ZNF277: variants seen among roughly 807,000 people sequenced by gnomAD.
ZNF277 encodes the protein zinc finger protein 277.
Under a neutral mutation model 60.7 loss-of-function variants are expected in ZNF277, and 55 were observed. The ratio of observed to expected loss-of-function variants is 0.91; its 90% confidence interval spans 0.73 to 1.13. The LOEUF (loss-of-function observed/expected upper bound fraction) is 1.13, where lower values mean the gene tolerates loss of function less well. Among genes scored for constraint, ZNF277 ranks in the 50% most tolerant of loss-of-function variants. ZNF277 has a pLI of 0.00. For missense variants in ZNF277, 510 were observed against 523.0 expected, an observed-to-expected ratio of 0.98 and a Z score of 0.24; for synonymous variants, 178 against 179.3, an observed-to-expected ratio of 0.99 and a Z score of 0.06.
At position 112,210,473 on chromosome 7, in the gene ZNF277, T is replaced by G. The variant is rs1278094760; in HGVS notation, c.91+3666T>G. Among the ~76,000 whole-genome samples the G allele has an allele frequency of 1.3e-4, 20 of 151,220 alleles. No individual in the cohort carries two copies. In the East Asian group the frequency reaches 3.7e-3, roughly 28 times the overall value. On this transcript the variant is annotated intron_variant, in intron 1 of 11. Transcript: ENST00000361822. Reference sequence around the variant, plus strand: ...TTTTGTTTTTGTTTTTTGTTTTTTTTTTTTGTTTTTTTTTTTGAGACAGAG... The same window carrying G: ...TTTTGTTTTTGTTTTTTGTTTTTTTGTTTTGTTTTTTTTTTTGAGACAGAG...
chr7:112,240,522 G>A (rs1240956316), intron 1 of ZNF277, among the ~76,000 whole-genome samples: 3 of 152,030 alleles, frequency 2.0e-5, no homozygotes, highest in Non-Finnish European at 4.4e-5. Flanking sequence ...ATCAAAGTAT[G>A]TACCCCAAAA....
intron 1 of ZNF277, among the ~76,000 whole-genome samples, chr7:112,269,389 G>C (rs1415053900): frequency 6.6e-6 from 1 of 151,888 alleles, no homozygotes; most frequent in African/African-American, 2.4e-5. Flanking sequence ...TATGTGTCTG[G>C]ATTTTGGGGG....
intron 1 of ZNF277, among the ~76,000 whole-genome samples, chr7:112,229,867 G>GC (rs1822275859): frequency 6.6e-6 from 1 of 152,194 alleles, no homozygotes; most frequent in South Asian, 2.1e-4. Flanking sequence ...TAATTCCTAG[G>GC]CAGAGGTCTT....
At position 112,310,489 on chromosome 7, in the gene ZNF277, G is replaced by GAGAA. The variant is rs1305151299; in HGVS notation, c.466-7693_466-7692insAGAA. ...AGAGAGAGAGAGAGAGTGTGTGTGTGTGTATGTATTTTATTTTTTATTTGC... is the reference window on the plus strand; with the variant it reads ...AGAGAGAGAGAGAGAGTGTGTGTGTGAGAATGTATGTATTTTATTTTTTATTTGC... On this transcript the variant is annotated intron_variant, in intron 4 of 11. Coordinates refer to ENST00000361822, the MANE Select transcript of ZNF277 (RefSeq NM_021994.3). Among the ~76,000 whole-genome samples, 556 of 142,524 alleles carry GAGAA rather than the reference G, an allele frequency of 3.9e-3. 16 individuals carry two copies. Among genetic ancestry groups the GAGAA allele is most frequent in the African/African-American group, 0.013 (424 of 33,428 alleles). 93.5% of individuals were successfully genotyped at this position (142,524 alleles called of 152,430 possible). A position where few individuals can be genotyped will look rare whatever the true frequency, so the allele number is the denominator to read the frequency against.
intron 1 of ZNF277, among the ~76,000 whole-genome samples, chr7:112,258,899 AAACAT>A (rs201195008): frequency 0.011 from 1,725 of 152,242 alleles, 31 homozygotes; most frequent in African/African-American, 0.04. Context: ...AAAAAAAACA[AAACAT>A]ATCTTCATAA....
chr7:112,250,177 C>G (rs1444824613), intron 1 of ZNF277, among the ~76,000 whole-genome samples: 1 of 152,062 alleles, frequency 6.6e-6, no homozygotes, highest in East Asian at 1.9e-4. Context: ...AGTCTCAACT[C>G]TTATGGTCGA....
At chr7:112,259,545 C>T (rs946048110) in intron 1 of ZNF277, among the ~76,000 whole-genome samples, 4 of 152,038 alleles carry the variant, frequency 2.6e-5, no homozygotes, top group African/African-American at 7.2e-5. Context: ...TACTTAAGAG[C>T]GCTTAATTTC....
intron 4 of ZNF277, among the ~76,000 whole-genome samples, chr7:112,312,854 AT>A (rs1163522341): frequency 6.6e-6 from 1 of 152,152 alleles, no homozygotes; most frequent in Non-Finnish European, 1.5e-5. Context: ...ATTTCAACAA[AT>A]AAAGGAGAGC....
At chr7:112,340,360 A>G (rs950247304) in intron 10 of ZNF277, among the ~76,000 whole-genome samples, 4 of 152,198 alleles carry the variant, frequency 2.6e-5, no homozygotes, top group African/African-American at 9.7e-5. Context: ...CATTCTAAGT[A>G]TCACAACAAT....
intron 4 of ZNF277, among the ~76,000 whole-genome samples, chr7:112,308,958 G>A (rs1792661450): frequency 6.6e-6 from 1 of 151,960 alleles, no homozygotes; most frequent in Admixed American, 6.6e-5. Context: ...AAACTGGAGA[G>A]GACTTAGCAA....
intron 1 of ZNF277, among the ~76,000 whole-genome samples, chr7:112,276,666 T>C (rs150282433): frequency 1.3e-5 from 2 of 152,302 alleles, no homozygotes; most frequent in East Asian, 3.9e-4. Context: ...GAAAATTAAT[T>C]ATAGCAATTA....
chr7:112,267,631 C>T (rs1791579743), intron 1 of ZNF277, among the ~76,000 whole-genome samples: 1 of 152,146 alleles, frequency 6.6e-6, no homozygotes, highest in Non-Finnish European at 1.5e-5. Flanking sequence ...CTCTTGCCTA[C>T]TTCTAAACAT....
intron 4 of ZNF277, among the ~76,000 whole-genome samples, chr7:112,314,034 C>G (rs1006246102): frequency 2.0e-5 from 3 of 151,968 alleles, no homozygotes; most frequent in East Asian, 3.9e-4. Flanking sequence ...TCCTGAAGAC[C>G]AAGCAATATA....
intron 4 of ZNF277, among the ~76,000 whole-genome samples, chr7:112,296,918 T>TTTA (rs1563219727): frequency 1.7e-5 from 1 of 58,936 alleles, no homozygotes; most frequent in Non-Finnish European, 3.5e-5. Flanking sequence ...ATTTATTTTT[T>TTTA]TTTTTTTTTT....
At chr7:112,250,418 A>G (rs1313043639) in intron 1 of ZNF277, among the ~76,000 whole-genome samples, 1 of 151,986 alleles carries the variant, frequency 6.6e-6, no homozygotes, top group Admixed American at 6.5e-5. Context: ...GTGATATTCT[A>G]TTACCTTGTA....
At chr7:112,239,777 T>C (rs1790899508) in intron 1 of ZNF277, among the ~76,000 whole-genome samples, 1 of 152,186 alleles carries the variant, frequency 6.6e-6, no homozygotes, top group Admixed American at 6.5e-5. Context: ...AAGTACAGAA[T>C]AGTATAAAAC....
At chr7:112,318,299 T>G (rs1242811695) in intron 5 of ZNF277, 26 bp downstream of exon 5, 1 of 1,585,528 alleles carries the variant, frequency 6.3e-7, no homozygotes, top group East Asian at 2.2e-5. Context: ...TCTTTAAATG[T>G]TACTGTTTTT....
chr7:112,290,948 T>C (rs2117068537), intron 2 of ZNF277, among the ~76,000 whole-genome samples: 1 of 152,294 alleles, frequency 6.6e-6, no homozygotes, highest in Non-Finnish European at 1.5e-5. Flanking sequence ...TTGTTGCTTC[T>C]GAGTACAATA....
At chr7:112,336,615 G>A (rs574235564) in intron 8 of ZNF277, among the ~76,000 whole-genome samples, 1 of 152,228 alleles carries the variant, frequency 6.6e-6, no homozygotes, top group Non-Finnish European at 1.5e-5. Context: ...TTATAAGCTT[G>A]AGAAATGTTC....
Sources: allele counts gnomAD v4.1 joint callset (sites outside exome capture counted in the v4.1 genomes callset), GRCh38; gene constraint gnomAD v4.1.1; transcripts MANE v1.5; gene names NCBI Gene and HGNC (gene_info 2026-07-23, HGNC 2026-07-21).